Variants in ITGA5 observed in about 807,000 individuals in gnomAD.
The protein encoded by ITGA5 is integrin alpha-5.
A neutral mutation model predicts 146.3 loss-of-function variants in ITGA5; 55 were observed. The ratio of observed to expected loss-of-function variants is 0.38; its 90% CI spans 0.30 to 0.47. The LOEUF is 0.47. Ranked by LOEUF, ITGA5 falls within the 20% of genes least tolerant of loss-of-function variation. The pLI, the probability that ITGA5 is intolerant of heterozygous loss-of-function variation, is 0.99. For missense variants in ITGA5, 1,131 were observed against 1,329.0 expected, an observed-to-expected ratio of 0.85 and a Z score of 2.32; for synonymous variants, 500 against 531.8, an observed-to-expected ratio of 0.94 and a Z score of 0.82.
At chr12:54,399,551 C>A in intron 27 of ITGA5, 94 bp downstream of exon 27, 2 of 879,988 alleles carry the variant, frequency 2.3e-6, no homozygotes, top group Admixed American at 1.8e-5. Flanking sequence ...TCCCATTCAC[C>A]AAAGGAGAGG....
chr12:54,414,260 G>A (rs1010877522), intron 1 of ITGA5, among the ~76,000 whole-genome samples: 28 of 152,218 alleles, frequency 1.8e-4, no homozygotes, highest in African/African-American at 6.3e-4. Flanking sequence ...TGGATGGCAT[G>A]CAAGCTAGTT....
chr12:54,417,619 C>A (rs1295023748), intron 1 of ITGA5, among the ~76,000 whole-genome samples: 1 of 152,124 alleles, frequency 6.6e-6, no homozygotes, highest in Admixed American at 6.5e-5. Context: ...GCTAGATTAA[C>A]CCCTTTTCTC....
chr12:54,403,274 G>T lies in ITGA5; in HGVS notation c.1827C>A (p.Asn609Lys). Residue 609 changes from asparagine (N) to lysine (K), a missense_variant, in exon 18 of 30, where the codon AAC becomes AAA. By Grantham distance (94) the Asn-to-Lys change is moderately conservative. This residue lies in a region of ITGA5 where 889 missense variants were observed against 1,021.5 expected (regional missense o/e 0.87). Transcript: ENST00000293379. The surrounding 1 kb of genome is among the most constrained non-coding windows in gnomAD (Gnocchi z 4.9). ...CTGGGGCTTGGGGGTCCAAGGAGAA[G>T]TTGAGAGCGATGTGAATCGGCGAGA... The part of the protein sequence containing the change: ...DKLSPIHIAL[N>K]FSLDPQAPVD... 6.4e-7 allele frequency: 1 copy of T among 1,562,622 alleles called. No homozygotes were observed. The highest frequency in any genetic ancestry group is 8.6e-7 in the Non-Finnish European group (1 of 1,157,568).
intron 29 of ITGA5, among the ~76,000 whole-genome samples, chr12:54,396,596 T>C (rs1482698709): frequency 6.6e-6 from 1 of 152,204 alleles, no homozygotes; most frequent in Non-Finnish European, 1.5e-5. Context: ...CTTTTACCAG[T>C]GCCTTTAAAA....
Position 54,395,438 on chromosome 12 carries a change from C to T in ITGA5, c.*855G>A, listed in dbSNP as rs1955695206. ...TCTGCAGGCCCAGGACAGTGGGCTC[C>T]CCTTTCTCTGGGGAACAGGGAGGGC... On this transcript the variant is annotated 3_prime_UTR_variant, in exon 30 of 30. Transcript: ENST00000293379. 6.5e-6 allele frequency: 1 copy of T among 152,694 alleles called. No homozygotes were observed. Among genetic ancestry groups the T allele is most frequent in the East Asian group, 1.9e-4 (1 of 5,204 alleles). 9.5% of individuals were successfully genotyped at this position (152,694 alleles called of 1,614,324 possible).
rs751055025 is a variant in ITGA5 at position 54,399,649 on chromosome 12, A to G, written c.2837T>C (p.Leu946Ser). The stretch of plus-strand genomic sequence containing the variant: ...GCTGAGGTAAGGCTCCCTCACCTGC[A>G]AGAAAGTCTTGGCCCAGACTCGGAA... ...LHFRVWAKTFLQREHQPFSLQ... is the reference protein window; with the variant it reads ...LHFRVWAKTFSQREHQPFSLQ... The change falls in exon 27 of 30, where the codon TTG (leucine) becomes TCG (serine). Residue 946 changes from leucine to serine, a missense_variant. By Grantham distance (145) the Leu-to-Ser change is moderately radical. Transcript: ENST00000293379. 5 of 1,612,940 alleles carry G rather than the reference A, an allele frequency of 3.1e-6. No individual in the cohort carries two copies. Among genetic ancestry groups the G allele is most frequent in the African/African-American group, 2.7e-5 (2 of 74,922 alleles).
At chr12:54,398,750 C>T in intron 27 of ITGA5, 52 bp from the exon 28 acceptor site, 2 of 1,234,650 alleles carry the variant, frequency 1.6e-6, no homozygotes, top group Non-Finnish European at 2.3e-6. Flanking sequence ...ATCCAGAGGA[C>T]ATAGGGTTCC....
chr12:54,411,304 T>C (rs1415119214), intron 2 of ITGA5, among the ~76,000 whole-genome samples: 3 of 152,216 alleles, frequency 2.0e-5, no homozygotes, highest in Non-Finnish European at 4.4e-5. Flanking sequence ...ATACAGTTGT[T>C]GAAAAGATTA....
Position 54,419,081 on chromosome 12 carries a change from C to G in ITGA5, c.118G>C (p.Gly40Arg). The G allele has an allele frequency of 6.3e-7, 1 of 1,586,800 alleles. No homozygotes were observed. The highest frequency in any genetic ancestry group is 8.5e-7 in the Non-Finnish European group (1 of 1,169,872). ...LLLLPPPPRV[G>R]GFNLDAEAPA... is the part of the protein sequence containing the mutation. ...GCCTCCGCGTCTAAGTTGAAGCCCC[C>G]GACCCTGGGTGGCGGCGGCAGCAGC... The change falls in exon 1 of 30, where the codon GGG becomes CGG. Residue 40 changes from glycine to arginine, a missense_variant. By Grantham distance (125) the Gly-to-Arg change is moderately radical. Coordinates refer to ENST00000293379, the MANE Select transcript of ITGA5 (RefSeq NM_002205.5).
At chr12:54,418,900 G>C in intron 1 of ITGA5, 81 bp downstream of exon 1, 1 of 1,489,086 alleles carries the variant, frequency 6.7e-7, no homozygotes, top group Non-Finnish European at 9.1e-7. Flanking sequence ...TTAAGCCCTG[G>C]TCCCCTCCAG....
At chr12:54,400,781 C>G in intron 25 of ITGA5, 65 bp downstream of exon 25, 1 of 1,549,402 alleles carries the variant, frequency 6.5e-7, no homozygotes, top group East Asian at 2.3e-5. Context: ...GCAACCTTCC[C>G]CAACCCCTCA....
Position 54,407,671 on chromosome 12 carries a change from T to C in ITGA5, c.884A>G (p.Lys295Arg), listed in dbSNP as rs1300226248. The C allele has an allele frequency of 6.2e-7, 1 of 1,613,812 alleles. No homozygotes were observed. The highest frequency in any genetic ancestry group is 1.7e-5 in the Admixed American group (1 of 60,020). The change falls in exon 9 of 30, where the codon AAA becomes AGA. Residue 295 changes from lysine (K) to arginine (R), a missense_variant. By Grantham distance (26) the Lys-to-Arg change is conservative (BLOSUM62 2). This residue lies in a region of ITGA5 where 889 missense variants were observed against 1,021.5 expected (regional missense o/e 0.87). Coordinates refer to ENST00000293379, the MANE Select transcript of ITGA5 (RefSeq NM_002205.5). The stretch of plus-strand genomic sequence containing the variant: ...TACATAGCCGTAAGTGAGGTTCCCT[T>C]TGGGCACACCAGCAACAAAGTCTGC... The part of the protein sequence containing the change: ...DTEDFVAGVP[K>R]GNLTYGYVTI...
Position 54,409,009 on chromosome 12 carries a change from A to G in ITGA5, c.584-55T>C. ...CCCTGCATAGATGGGTCATCCAGGA[A>G]AGAAGAGAGGGCATAGGGAAGGAGG... On this transcript the variant is annotated intron_variant, in intron 4 of 29. Transcript: ENST00000293379. This position sits in a 1 kb window ranked among gnomAD's most constrained non-coding sequence, Gnocchi z 4.7. 6.4e-7 allele frequency: 1 copy of G among 1,557,938 alleles called. No homozygotes were observed. The highest frequency in any genetic ancestry group is 2.2e-5 in the East Asian group (1 of 44,606).
Position 54,398,680 on chromosome 12 carries a change from T to C in ITGA5, c.2860A>G (p.Ser954Gly). The C allele has an allele frequency of 6.2e-7, 1 of 1,604,160 alleles. No individual in the cohort carries two copies. The highest frequency in any genetic ancestry group is 2.3e-5 in the East Asian group (1 of 43,962). Residue 954 changes from serine to glycine, a missense_variant, in exon 28 of 30, where the codon AGC (serine) becomes GGC (glycine). By Grantham distance (56) the Ser-to-Gly change is moderately conservative. Transcript: ENST00000293379. ...TFLQREHQPF[S>G]LQCEAVYKAL... ...TTGTACACAGCCTCACACTGCAGGCTAAATGGCTGGTGCTCCCGCTGTGGG... is the reference window on the plus strand; with the variant it reads ...TTGTACACAGCCTCACACTGCAGGCCAAATGGCTGGTGCTCCCGCTGTGGG...
Position 54,396,056 on chromosome 12 carries a change from T to C in ITGA5, c.*237A>G, listed in dbSNP as rs1955704145. 1 of 449,288 alleles carries C rather than the reference T, an allele frequency of 2.2e-6. No homozygotes were observed. The highest frequency in any genetic ancestry group is 4.0e-6 in the Non-Finnish European group (1 of 248,612). 27.8% of individuals were successfully genotyped at this position (449,288 alleles called of 1,614,324 possible). On this transcript the variant is annotated 3_prime_UTR_variant, in exon 30 of 30. Coordinates refer to ENST00000293379, the MANE Select transcript of ITGA5 (RefSeq NM_002205.5). ...TGGGGCCTCTGTCCCTGGATCTGAGTTCCCCCATCCATGAAGAGGGTATGT... is the reference window on the plus strand; with the variant it reads ...TGGGGCCTCTGTCCCTGGATCTGAGCTCCCCCATCCATGAAGAGGGTATGT...
chr12:54,401,756 T>C lies in ITGA5; in HGVS notation c.2306+20A>G. On this transcript the variant is annotated intron_variant, in intron 22 of 29. Coordinates refer to ENST00000293379, the MANE Select transcript of ITGA5 (RefSeq NM_002205.5). This position sits in a 1 kb window ranked among gnomAD's most constrained non-coding sequence, Gnocchi z 5.0. Reference sequence around the variant, plus strand: ...TTCCGTCCCCAGCTCAGCCCCAGCCTAGACACACTCACTCCCTACCTGAGG... The same window carrying C: ...TTCCGTCCCCAGCTCAGCCCCAGCCCAGACACACTCACTCCCTACCTGAGG... 3 of 1,613,312 alleles carry C rather than the reference T, an allele frequency of 1.9e-6. No homozygotes were observed. The highest frequency in any genetic ancestry group is 2.5e-6 in the Non-Finnish European group (3 of 1,179,312).
chr12:54,397,511 C>A, intron 28 of ITGA5, 24 bp from the exon 29 acceptor site: 2 of 1,613,108 alleles, frequency 1.2e-6, no homozygotes, highest in South Asian at 2.2e-5. Context: ...TGGGTGAAGT[C>A]AATGAAAGCT....
chr12:54,407,734 G>A (rs1043575764), intron 8 of ITGA5, 42 bp from the exon 9 acceptor site: 3 of 1,608,034 alleles, frequency 1.9e-6, no homozygotes, highest in East Asian at 2.2e-5. Flanking sequence ...GGTGGGGAAA[G>A]GGAAGCAGAT....
At chr12:54,402,373 C>T (rs770470500) in intron 19 of ITGA5, 43 bp from the exon 20 acceptor site, 1 of 1,560,626 alleles carries the variant, frequency 6.4e-7, no homozygotes, top group Non-Finnish European at 8.7e-7. Flanking sequence ...TGAATTAATC[C>T]TCAAACCAGG....
Sources: gnomAD v4.1 joint callset for allele counts (sites outside exome capture counted in the v4.1 genomes callset) on GRCh38, gnomAD v4.1.1 for gene constraint, gnomAD v4.1.1 regional missense constraint, Gnocchi (gnomAD v3.1) non-coding constraint, MANE v1.5 for transcripts, NCBI Gene and HGNC (gene_info 2026-07-23, HGNC 2026-07-21) for gene names.